The following CNTN1 variants were observed in gnomAD, a reference collection of about 807,000 sequenced individuals.
The protein encoded by CNTN1 is contactin-1.
A neutral mutation model predicts 126.4 loss-of-function variants in CNTN1; 38 were observed. The ratio of observed to expected loss-of-function variants is 0.30; its 90% CI spans 0.23 to 0.39. CNTN1 has a LOEUF of 0.39. Ranked by LOEUF, CNTN1 falls within the 10% of genes least tolerant of loss-of-function variation. The pLI is 1.00. For synonymous variants in CNTN1, 413 were observed against 422.6 expected (o/e 0.98, Z 0.28); for missense variants, 1,009 against 1,248.4 (o/e 0.81, Z 2.89).
At chr12:40,951,351 GA>G (rs1946671586) in intron 14 of CNTN1, among the ~76,000 whole-genome samples, 1 of 151,980 alleles carries the variant, frequency 6.6e-6, no homozygotes, top group African/African-American at 2.4e-5. Context: ...AGTAATCTTA[GA>G]AATTATCCTG....
chr12:40,836,198 T>C (rs1441449379), intron 1 of CNTN1, among the ~76,000 whole-genome samples: 1 of 148,168 alleles, frequency 6.7e-6, no homozygotes, highest in African/African-American at 2.5e-5. Context: ...TATATATGTA[T>C]AAATAATATA....
intron 23 of CNTN1, 99 bp downstream of exon 23, chr12:41,029,318 C>T: frequency 1.5e-6 from 2 of 1,328,532 alleles, no homozygotes; most frequent in Non-Finnish European, 2.2e-6. Context: ...CACCAGTGTC[C>T]ATATTTTCCT....
At chr12:41,046,337 A>G (rs931688054) in intron 23 of CNTN1, among the ~76,000 whole-genome samples, 1 of 152,092 alleles carries the variant, frequency 6.6e-6, no homozygotes, top group African/African-American at 2.4e-5. Flanking sequence ...GCATTTTAAA[A>G]TATATGAATT....
At chr12:40,970,343 A>G (rs114859732) in intron 15 of CNTN1, among the ~76,000 whole-genome samples, 383 of 152,272 alleles carry the variant, frequency 2.5e-3, no homozygotes, top group African/African-American at 8.6e-3. Context: ...ATATATCTAA[A>G]ATTAGGATTT....
intron 1 of CNTN1, among the ~76,000 whole-genome samples, chr12:40,725,214 C>T (rs1208521827): frequency 1.3e-5 from 2 of 151,808 alleles, no homozygotes; most frequent in Non-Finnish European, 2.9e-5. Context: ...CCAGCCTGAC[C>T]AACATGGAGA....
intron 1 of CNTN1, among the ~76,000 whole-genome samples, chr12:40,814,264 C>G (rs1344369567): frequency 6.6e-6 from 1 of 152,178 alleles, no homozygotes; most frequent in Non-Finnish European, 1.5e-5. Flanking sequence ...GTCATAAAGT[C>G]TTTGCCCATG....
At chr12:40,926,772 T>A (rs141158042) in intron 6 of CNTN1, among the ~76,000 whole-genome samples, 1 of 152,128 alleles carries the variant, frequency 6.6e-6, no homozygotes, top group African/African-American at 2.4e-5. Flanking sequence ...AAATTCTATA[T>A]AGAAATCTAG....
At chr12:40,972,334 A>C (rs1291162406) in intron 15 of CNTN1, 28 of 985,028 alleles carry the variant, frequency 2.8e-5, no homozygotes, top group Non-Finnish European at 3.1e-5. Context: ...GGACTGCTTA[A>C]ATGTTATTGT....
intron 20 of CNTN1, among the ~76,000 whole-genome samples, chr12:41,021,471 A>C (rs1948909617): frequency 6.6e-6 from 1 of 152,114 alleles, no homozygotes; most frequent in African/African-American, 2.4e-5. Flanking sequence ...ACCAGTGCTG[A>C]GCACCTGGCA....
intron 16 of CNTN1, among the ~76,000 whole-genome samples, chr12:40,985,113 G>T (rs938964637): frequency 3.3e-5 from 5 of 151,850 alleles, no homozygotes; most frequent in Non-Finnish European, 7.4e-5. Flanking sequence ...GTTTATCTAG[G>T]AGTGCATTTT....
chr12:40,730,797 A>G (rs1355264830), intron 1 of CNTN1, among the ~76,000 whole-genome samples: 1 of 152,060 alleles, frequency 6.6e-6, no homozygotes, highest in African/African-American at 2.4e-5. Context: ...CATTGCTTTT[A>G]TTATTTTATT....
intron 1 of CNTN1, among the ~76,000 whole-genome samples, chr12:40,792,865 G>A (rs766456498): frequency 1.3e-4 from 19 of 151,932 alleles, no homozygotes; most frequent in Middle Eastern, 3.2e-3. Context: ...TATTTCACCC[G>A]AAAATATATT....
chr12:41,008,792 C>A (rs933883302), intron 17 of CNTN1, among the ~76,000 whole-genome samples: 1 of 152,172 alleles, frequency 6.6e-6, no homozygotes, highest in African/African-American at 2.4e-5. Flanking sequence ...TTCTTTAGGA[C>A]AAGTATTTCT....
At chr12:41,012,475 G>A (rs551724248) in intron 17 of CNTN1, among the ~76,000 whole-genome samples, 11 of 152,300 alleles carry the variant, frequency 7.2e-5, no homozygotes, top group South Asian at 2.1e-4. Context: ...TCTTGTGGCC[G>A]ATAGCCCATC....
At chr12:41,009,640 C>T (rs117813851) in intron 17 of CNTN1, among the ~76,000 whole-genome samples, 112 of 152,270 alleles carry the variant, frequency 7.4e-4, no homozygotes, top group Non-Finnish European at 1.3e-3. Context: ...TTTATGTGCT[C>T]CTAACATTGG....
At chr12:40,851,761 G>A (rs1942723362) in intron 1 of CNTN1, among the ~76,000 whole-genome samples, 1 of 151,948 alleles carries the variant, frequency 6.6e-6, no homozygotes, top group Non-Finnish European at 1.5e-5. Flanking sequence ...CAAAGATAAG[G>A]CTTAGCGATA....
At chr12:41,012,839 G>A (rs1476637101) in intron 17 of CNTN1, among the ~76,000 whole-genome samples, 1 of 152,194 alleles carries the variant, frequency 6.6e-6, no homozygotes, top group Non-Finnish European at 1.5e-5. Context: ...TTCAATTAAT[G>A]TTGTACGCTG....
intron 1 of CNTN1, among the ~76,000 whole-genome samples, chr12:40,845,485 C>T (rs1942464218): frequency 6.6e-6 from 1 of 151,942 alleles, no homozygotes; most frequent in Non-Finnish European, 1.5e-5. Context: ...AACAGAGTAC[C>T]AAGTAAAAGA....
chr12:40,754,879 C>T (rs1938538767), intron 1 of CNTN1, among the ~76,000 whole-genome samples: 1 of 151,904 alleles, frequency 6.6e-6, no homozygotes, highest in South Asian at 2.1e-4. Flanking sequence ...AATATGTCCT[C>T]ATATTTTAAA....
Sources: allele counts gnomAD v4.1 joint callset (sites outside exome capture counted in the v4.1 genomes callset), GRCh38; gene constraint gnomAD v4.1.1; transcripts MANE v1.5; gene names NCBI Gene and HGNC (gene_info 2026-07-23, HGNC 2026-07-21).